Variants in TASP1 observed in about 807,000 individuals in gnomAD.
The protein encoded by TASP1 is taspase 1.
Under a neutral mutation model 56.6 loss-of-function variants are expected in TASP1, and 16 were observed. That is an observed-to-expected ratio of 0.28 (90% confidence interval 0.19 to 0.43). The LOEUF is 0.43. Among genes scored for constraint, TASP1 ranks in the 20% least tolerant of loss-of-function variants. TASP1 has a pLI of 1.00. For synonymous variants in TASP1, 179 were observed against 184.2 expected, an observed-to-expected ratio of 0.97 and a Z score of 0.23; for missense variants, 393 against 511.6, an observed-to-expected ratio of 0.77 and a Z score of 2.24.
At chr20:13,471,571 C>T (rs1251781716) in intron 11 of TASP1, among the ~76,000 whole-genome samples, 3 of 152,114 alleles carry the variant, frequency 2.0e-5, no homozygotes, top group African/African-American at 7.2e-5. Context: ...GTACATGACC[C>T]TCCTTTCTAT....
chr20:13,614,177 T>A (rs2048444360), intron 4 of TASP1, among the ~76,000 whole-genome samples: 1 of 152,192 alleles, frequency 6.6e-6, no homozygotes, highest in Non-Finnish European at 1.5e-5. Context: ...AGTAATATTT[T>A]AGCTATCCTG....
At chr20:13,210,118 AT>A in the TASP1 span, among the ~76,000 whole-genome samples, 576 of 152,152 alleles carry the variant, frequency 3.8e-3, 2 homozygotes, top group African/African-American at 5.1e-3. Context: ...GCATCTAGTT[AT>A]TTTTTTCCAT....
At chr20:13,533,832 T>C (rs2045316188) in intron 9 of TASP1, among the ~76,000 whole-genome samples, 190 bp downstream of exon 9, 3 of 152,088 alleles carry the variant, frequency 2.0e-5, no homozygotes, top group African/African-American at 4.8e-5. Context: ...AACAAACCAA[T>C]TACTATGAGA....
chr20:13,286,453 G>A, the TASP1 span, among the ~76,000 whole-genome samples: 5 of 152,178 alleles, frequency 3.3e-5, no homozygotes, highest in African/African-American at 4.8e-5. Context: ...GAAGGCAGCC[G>A]AATTTCCTGA....
At chr20:13,621,174 A>G (rs982765971) in intron 4 of TASP1, among the ~76,000 whole-genome samples, 1 of 152,184 alleles carries the variant, frequency 6.6e-6, no homozygotes, top group Non-Finnish European at 1.5e-5. Flanking sequence ...CTGTAATCGC[A>G]GCACTTTGGG....
intron 4 of TASP1, among the ~76,000 whole-genome samples, chr20:13,604,946 G>A (rs1352946314): frequency 6.7e-6 from 1 of 149,044 alleles, no homozygotes. Flanking sequence ...GAAAGCATAT[G>A]TTCACATAAA....
chr20:13,546,993 T>A (rs745967749), intron 8 of TASP1, among the ~76,000 whole-genome samples: 1 of 152,332 alleles, frequency 6.6e-6, no homozygotes, highest in South Asian at 2.1e-4. Flanking sequence ...TTTAAACCTA[T>A]TGGAAGACTG....
At chr20:13,527,569 T>C (rs143308661) in intron 10 of TASP1, among the ~76,000 whole-genome samples, 5 of 152,122 alleles carry the variant, frequency 3.3e-5, no homozygotes, top group African/African-American at 1.2e-4. Context: ...ATTCTGCCTA[T>C]TAAAACTCTC....
intron 10 of TASP1, among the ~76,000 whole-genome samples, chr20:13,499,609 G>A (rs1293705029): frequency 1.3e-5 from 2 of 152,174 alleles, no homozygotes; most frequent in African/African-American, 2.4e-5. Flanking sequence ...GGGCAAGCCT[G>A]AGTACCAAAG....
chr20:13,238,512 T>C, the TASP1 span, among the ~76,000 whole-genome samples: 1 of 152,192 alleles, frequency 6.6e-6, no homozygotes, highest in East Asian at 1.9e-4. Flanking sequence ...AATACCCACA[T>C]GGACATCACT....
At chr20:13,272,565 T>C in the TASP1 span, among the ~76,000 whole-genome samples, 3 of 152,194 alleles carry the variant, frequency 2.0e-5, no homozygotes, top group East Asian at 5.8e-4. Context: ...GCTCTATTGA[T>C]GGCACAGAGT....
intron 10 of TASP1, among the ~76,000 whole-genome samples, chr20:13,528,219 C>CAAA (rs397942980): frequency 1.4e-3 from 78 of 54,290 alleles, no homozygotes; most frequent in East Asian, 2.6e-3. Context: ...GACTCTGACT[C>CAAA]AAAAAAAAAA....
chr20:13,422,442 T>C (rs969645390), intron 12 of TASP1, among the ~76,000 whole-genome samples: 1 of 152,160 alleles, frequency 6.6e-6, no homozygotes, highest in South Asian at 2.1e-4. Context: ...TTGCTGCATA[T>C]ATAGATGTTA....
chr20:13,433,241 C>T (rs555188955), intron 12 of TASP1, among the ~76,000 whole-genome samples: 2 of 152,162 alleles, frequency 1.3e-5, no homozygotes, highest in African/African-American at 4.8e-5. Flanking sequence ...GTTTTCTGTT[C>T]CTGTGTTAAG....
At chr20:13,339,133 A>C in the TASP1 span, among the ~76,000 whole-genome samples, 6 of 152,204 alleles carry the variant, frequency 3.9e-5, no homozygotes, top group Admixed American at 6.5e-5. Flanking sequence ...GTTGAACACG[A>C]GGTCACATGG....
At chr20:13,463,433 C>T (rs900534399) in intron 11 of TASP1, among the ~76,000 whole-genome samples, 8 of 151,860 alleles carry the variant, frequency 5.3e-5, no homozygotes, top group African/African-American at 1.9e-4. Context: ...ACACAGGGGG[C>T]AAGCTTCATG....
intron 10 of TASP1, among the ~76,000 whole-genome samples, chr20:13,507,969 A>T (rs1032669385): frequency 6.6e-6 from 1 of 152,180 alleles, no homozygotes; most frequent in African/African-American, 2.4e-5. Flanking sequence ...AATAAAACAC[A>T]CAATGGAGAA....
chr20:13,146,367 C>T, the TASP1 span, among the ~76,000 whole-genome samples: 35 of 152,126 alleles, frequency 2.3e-4, no homozygotes, highest in Non-Finnish European at 4.3e-4. Flanking sequence ...GTACAACAAA[C>T]CCCCACGACA....
intron 4 of TASP1, among the ~76,000 whole-genome samples, chr20:13,606,282 C>CATCT (rs1316133564): frequency 6.6e-6 from 1 of 152,132 alleles, no homozygotes; most frequent in Admixed American, 6.5e-5. Flanking sequence ...CCTTCCCCAA[C>CATCT]ATCTTCACAT....
Sources: gnomAD v4.1 joint callset for allele counts (sites outside exome capture counted in the v4.1 genomes callset) on GRCh38, gnomAD v4.1.1 for gene constraint, MANE v1.5 for transcripts, NCBI Gene and HGNC (gene_info 2026-07-23, HGNC 2026-07-21) for gene names.